ATP8B4: variants seen among roughly 807,000 people sequenced by gnomAD.
ATP8B4 encodes the protein ATPase phospholipid transporting 8B4 (putative).
A neutral mutation model predicts 145.6 loss-of-function variants in ATP8B4; 133 were observed. The observed-to-expected ratio is 0.91, with a 90% confidence interval of 0.79 to 1.05. The LOEUF (loss-of-function observed/expected upper bound fraction) is 1.05. Ranked by LOEUF, ATP8B4 falls within the 50% of genes least tolerant of loss-of-function variation. The probability of loss-of-function intolerance (pLI) is 0.00; values close to 1 mark genes in which losing one functional copy is unlikely to be tolerated. For missense variants in ATP8B4, 1,458 were observed against 1,425.2 expected (o/e 1.02, Z -0.37); for synonymous variants, 507 against 492.9 (o/e 1.03, Z -0.38).
At position 49,916,998 on chromosome 15, in the gene ATP8B4, C is replaced by T. The variant is rs755703313; in HGVS notation, c.2077G>A (p.Asp693Asn). Residue 693 changes from aspartate to asparagine, a missense_variant, in exon 20 of 28, where the codon GAC (aspartate) becomes AAC (asparagine). Coordinates refer to ENST00000284509, the MANE Select transcript of ATP8B4 (RefSeq NM_024837.4). ...NIGYACNMLT[D>N]DMNDVFVIAG... ...ATCACAAACACATCATTCATGTCGT[C>T]AGTCAGCATGTTGCAGGCATAACCG... 7 of 1,614,016 alleles carry T rather than the reference C, an allele frequency of 4.3e-6. No homozygotes were observed. The highest frequency in any genetic ancestry group is 5.9e-6 in the Non-Finnish European group (7 of 1,179,924).
chr15:50,000,352 G>C lies in ATP8B4; in HGVS notation c.506+1801C>G, dbSNP rs548791898. 2.6e-5 allele frequency among the ~76,000 whole-genome samples: 4 copies of C among 152,234 alleles called. No individual in the cohort carries two copies. The South Asian group carries it at 6.2e-4, about 24-fold the overall frequency. On this transcript the variant is annotated intron_variant, in intron 8 of 27. Transcript: ENST00000284509. The stretch of plus-strand genomic sequence containing the variant: ...ATCCTGTTTCCCTACTTCCTTGCTA[G>C]CATTTGGAGTTGTCACTCTTTTTCA...
chr15:50,007,983 A>G (rs1203239335), intron 7 of ATP8B4, among the ~76,000 whole-genome samples: 2 of 152,222 alleles, frequency 1.3e-5, no homozygotes, highest in Non-Finnish European at 2.9e-5. Context: ...AGTCAAACAG[A>G]GAACAATGGA....
At position 49,989,780 on chromosome 15, in the gene ATP8B4, G is replaced by T. The variant is rs139144432; in HGVS notation, c.590-2231C>A. 4.6e-3 allele frequency among the ~76,000 whole-genome samples: 698 copies of T among 152,184 alleles called. 8 individuals carry two copies. The highest frequency in any genetic ancestry group is 0.016 in the African/African-American group (662 of 41,516). Reference sequence around the variant, plus strand: ...TACATTTGTTTTTATCATCAGAAGTGCTCGGCTTCCCCTTTTTAAGCTCTA... The same window carrying T: ...TACATTTGTTTTTATCATCAGAAGTTCTCGGCTTCCCCTTTTTAAGCTCTA... On this transcript the variant is annotated intron_variant, in intron 9 of 27. Coordinates refer to ENST00000284509, the MANE Select transcript of ATP8B4 (RefSeq NM_024837.4).
intron 16 of ATP8B4, among the ~76,000 whole-genome samples, chr15:49,929,889 A>T (rs972143294): frequency 1.3e-5 from 2 of 152,116 alleles, no homozygotes; most frequent in Admixed American, 6.6e-5. Flanking sequence ...CCTCTGAGAA[A>T]GCATTTCTTC....
chr15:50,062,908 GT>G (rs2053127984), intron 3 of ATP8B4, among the ~76,000 whole-genome samples: 2 of 152,038 alleles, frequency 1.3e-5, no homozygotes, highest in Admixed American at 1.3e-4. Flanking sequence ...GGACAATGGC[GT>G]TTTTGTGGTA....
intron 5 of ATP8B4, among the ~76,000 whole-genome samples, chr15:50,041,300 G>T (rs912527017): frequency 1.3e-5 from 2 of 152,316 alleles, no homozygotes; most frequent in Non-Finnish European, 2.9e-5. Flanking sequence ...CTCATAGCCC[G>T]TTCCTCAGAA....
intron 16 of ATP8B4, 77 bp from the exon 17 acceptor site, chr15:49,923,571 C>T: frequency 9.7e-7 from 1 of 1,028,058 alleles, no homozygotes; most frequent in Non-Finnish European, 1.4e-6. Context: ...AGAGCTCCAG[C>T]CTGGCAATTT....
intron 2 of ATP8B4, among the ~76,000 whole-genome samples, chr15:50,081,992 T>G (rs1186746290): frequency 3.9e-5 from 6 of 152,230 alleles, no homozygotes; most frequent in Non-Finnish European, 7.3e-5. Flanking sequence ...GAAGAATGTC[T>G]CCAAACATGA....
intron 6 of ATP8B4, among the ~76,000 whole-genome samples, chr15:50,024,462 C>T (rs1278012584): frequency 6.6e-6 from 1 of 152,120 alleles, no homozygotes; most frequent in Non-Finnish European, 1.5e-5. Flanking sequence ...GCCAGATGAG[C>T]ATTTGATTTG....
At chr15:49,907,595 G>A (rs540524374) in intron 20 of ATP8B4, among the ~76,000 whole-genome samples, 8 of 152,288 alleles carry the variant, frequency 5.3e-5, no homozygotes, top group East Asian at 3.9e-4. Context: ...AGAAAGATGC[G>A]CATGGAACAG....
intron 1 of ATP8B4, among the ~76,000 whole-genome samples, chr15:50,174,690 G>A (rs761312462): frequency 6.6e-6 from 1 of 151,988 alleles, no homozygotes; most frequent in Non-Finnish European, 1.5e-5. Context: ...TGGATAGGTA[G>A]AATCAATATT....
At chr15:49,891,886 C>A (rs2036848745) in intron 23 of ATP8B4, among the ~76,000 whole-genome samples, 1 of 151,970 alleles carries the variant, frequency 6.6e-6, no homozygotes. Flanking sequence ...GGGGTCGAGG[C>A]AGGGGGATCA....
chr15:50,088,878 A>G (rs778139340), intron 2 of ATP8B4, among the ~76,000 whole-genome samples: 1 of 152,236 alleles, frequency 6.6e-6, no homozygotes, highest in Non-Finnish European at 1.5e-5. Context: ...AGATAAATCA[A>G]TAAGTGAATG....
At chr15:50,097,890 A>G (rs2056088275) in intron 2 of ATP8B4, among the ~76,000 whole-genome samples, 1 of 152,218 alleles carries the variant, frequency 6.6e-6, no homozygotes, top group African/African-American at 2.4e-5. Context: ...GTTACTTCAC[A>G]TATATTTCAT....
At chr15:50,007,433 C>G (rs1243305471) in intron 7 of ATP8B4, among the ~76,000 whole-genome samples, 1 of 152,218 alleles carries the variant, frequency 6.6e-6, no homozygotes, top group South Asian at 2.1e-4. Flanking sequence ...ATAGACTTAA[C>G]TCCTGAATGT....
At chr15:50,175,094 T>A (rs573647183) in intron 1 of ATP8B4, among the ~76,000 whole-genome samples, 19 of 152,280 alleles carry the variant, frequency 1.2e-4, no homozygotes, top group African/African-American at 4.6e-4. Context: ...GCTAGCCACA[T>A]GTAGAAGAAT....
chr15:49,897,282 T>A lies in ATP8B4; in HGVS notation c.2697+10A>T, dbSNP rs755328313. The A allele has an allele frequency of 5.7e-6, 9 of 1,589,818 alleles. No individual in the cohort carries two copies. In the East Asian group the frequency reaches 1.8e-4, roughly 32 times the overall value. ...AACAAACAAACAAAAAAAAACATGC[T>A]TTTACCAACCTGGGCTGAGAAACCA... On this transcript the variant is annotated intron_variant, in intron 23 of 27. Transcript: ENST00000284509.
At chr15:50,037,304 A>G (rs1358895923) in intron 6 of ATP8B4, among the ~76,000 whole-genome samples, 2 of 152,258 alleles carry the variant, frequency 1.3e-5, no homozygotes, top group Non-Finnish European at 2.9e-5. Flanking sequence ...GATCTAATAC[A>G]CAGTCAGAAC....
intron 3 of ATP8B4, among the ~76,000 whole-genome samples, chr15:50,048,269 C>T (rs988142805): frequency 2.0e-5 from 3 of 151,900 alleles, no homozygotes; most frequent in African/African-American, 7.3e-5. Context: ...TAATGCTTGT[C>T]GGGGGGCACT....
Sources: gnomAD v4.1 joint callset for allele counts (sites outside exome capture counted in the v4.1 genomes callset) on GRCh38, gnomAD v4.1.1 for gene constraint, MANE v1.5 for transcripts, NCBI Gene and HGNC (gene_info 2026-07-23, HGNC 2026-07-21) for gene names.